Variants in TNIP1 observed in about 807,000 individuals in gnomAD.
The protein encoded by TNIP1 is TNFAIP3-interacting protein 1.
In TNIP1, 22 loss-of-function variants were observed where a neutral mutation model predicts 86.6. The ratio of observed to expected loss-of-function variants is 0.25; its 90% CI spans 0.18 to 0.36. The LOEUF (loss-of-function observed/expected upper bound fraction) is 0.36, where lower values mean the gene tolerates loss of function less well. Ranked by LOEUF, TNIP1 falls within the 10% of genes least tolerant of loss-of-function variation. TNIP1 has a pLI of 1.00. For synonymous variants in TNIP1, 294 were observed against 313.0 expected (o/e 0.94, Z 0.64); for missense variants, 709 against 820.6 (o/e 0.86, Z 1.66).
chr5:151,084,388 T>A (rs527685594), upstream of TNIP1, among the ~76,000 whole-genome samples: 24 of 148,862 alleles, frequency 1.6e-4, no homozygotes, highest in Non-Finnish European at 2.8e-4. Context: ...GAGGTTGCAA[T>A]GAGCCAAGAT....
intron 5 of TNIP1, among the ~76,000 whole-genome samples, chr5:151,057,564 A>C (rs565137121): frequency 2.6e-4 from 40 of 152,226 alleles, no homozygotes; most frequent in South Asian, 2.1e-4. Context: ...TAAAAATACA[A>C]AAATTAGCTG....
intron 9 of TNIP1, among the ~76,000 whole-genome samples, chr5:151,045,518 C>T (rs1759043850): frequency 6.6e-6 from 1 of 152,258 alleles, no homozygotes; most frequent in Non-Finnish European, 1.5e-5. Context: ...TCCCTCCACT[C>T]CTCATCGGTG....
At chr5:151,068,233 G>C (rs575533125) in intron 1 of TNIP1, among the ~76,000 whole-genome samples, 1 of 152,318 alleles carries the variant, frequency 6.6e-6, no homozygotes, top group East Asian at 1.9e-4. Flanking sequence ...GAGGGAAACA[G>C]GGAATTTCCA....
At chr5:151,073,176 C>T (rs1763003608) in intron 1 of TNIP1, among the ~76,000 whole-genome samples, 1 of 147,350 alleles carries the variant, frequency 6.8e-6, no homozygotes, top group African/African-American at 2.5e-5. Flanking sequence ...AAGCCGAGAT[C>T]ACGCCACAGC....
chr5:151,049,842 T>C lies in TNIP1; in HGVS notation c.828A>G (p.Ala276=). 3.7e-6 allele frequency: 6 copies of C among 1,614,208 alleles called. No individual in the cohort carries two copies. The highest frequency in any genetic ancestry group is 5.1e-6 in the Non-Finnish European group (6 of 1,180,030). ...SPKMEGTGKK[A]VAGQQQASVT... The stretch of plus-strand genomic sequence containing the variant: ...CACATACCTGCTGCTGTCCAGCCAC[T>C]GCCTTCTTGCCTGTCCCTTCCATCT... Residue 276 remains alanine (A), a synonymous_variant, in exon 8 of 18, where the codon GCA becomes GCG. Transcript: ENST00000521591.
Position 151,052,240 on chromosome 5 carries a change from C to T in TNIP1, c.647G>A (p.Arg216Gln), listed in dbSNP as rs775834756. The T allele has an allele frequency of 9.9e-6, 16 of 1,613,898 alleles. No individual in the cohort carries two copies. The highest frequency in any genetic ancestry group is 8.9e-5 in the East Asian group (4 of 44,882). The change falls in exon 7 of 18, where the codon CGG (arginine) becomes CAG (glutamine). Residue 216 changes from arginine to glutamine, a missense_variant. By Grantham distance (43) the Arg-to-Gln change is conservative. Transcript: ENST00000521591. ...SILQTLCEQL[R>Q]KENEALKAKL... ...GGCCTTCAGAGCCTCGTTCTCCTTC[C>T]GAAGCTGCTCACACAGGGTCTGTGG...
chr5:151,036,944 C>T (rs1163511543), intron 12 of TNIP1, 23 bp from the exon 13 acceptor site: 1 of 1,573,084 alleles, frequency 6.4e-7, no homozygotes, highest in Non-Finnish European at 8.6e-7. Flanking sequence ...AAAGATGGGA[C>T]CATCAGCAGG....
chr5:151,056,907 C>T lies in TNIP1; in HGVS notation c.486G>A (p.Gln162=), dbSNP rs1184745177. Residue 162 remains glutamine, a synonymous_variant, in exon 6 of 18, where the codon CAG becomes CAA. Coordinates refer to ENST00000521591, the MANE Select transcript of TNIP1 (RefSeq NM_006058.5). The part of the protein sequence containing the change: ...REDGNLMLHL[Q]RLETTLSVCA... The stretch of plus-strand genomic sequence containing the variant: ...ACACACTCAGCGTGGTCTCCAGGCG[C>T]TGCAGGTGCAGCATCAGGTTGCCGT... 9.4e-6 allele frequency: 15 copies of T among 1,593,678 alleles called. No individual in the cohort carries two copies. The highest frequency in any genetic ancestry group is 1.2e-5 in the Non-Finnish European group (14 of 1,170,778).
chr5:151,035,473 G>C, intron 14 of TNIP1, 109 bp downstream of exon 14: 1 of 1,506,714 alleles, frequency 6.6e-7, no homozygotes, highest in Non-Finnish European at 9.1e-7. Context: ...CAGAGCTGGA[G>C]AGAAGCAGTG....
At chr5:151,041,479 T>TC (rs1758409955) in intron 11 of TNIP1, among the ~76,000 whole-genome samples, 1 of 152,186 alleles carries the variant, frequency 6.6e-6, no homozygotes, top group African/African-American at 2.4e-5. Context: ...CAAGCAATCC[T>TC]CCCACATTAG....
At position 151,056,759 on chromosome 5, in the gene TNIP1, G is replaced by A. The variant is rs200991163; in HGVS notation, c.627+7C>T. On this transcript the variant is annotated splice_region_variant and intron_variant, in intron 6 of 17. Transcript: ENST00000521591. Reference sequence around the variant, plus strand: ...CTGTCTCGGGCTGCCCTCCCCACGCGCCTCACCTGCAGAATGGAGGTGCGC... The same window carrying A: ...CTGTCTCGGGCTGCCCTCCCCACGCACCTCACCTGCAGAATGGAGGTGCGC... 1.7e-5 allele frequency: 25 copies of A among 1,487,742 alleles called. No individual in the cohort carries two copies. The highest frequency in any genetic ancestry group is 7.2e-5 in the African/African-American group (5 of 69,912). The allele number at this position is 1,487,742 out of a possible 1,614,324, so 92.2% of individuals were successfully genotyped here.
chr5:151,045,342 A>G (rs1759015041), intron 9 of TNIP1, among the ~76,000 whole-genome samples: 1 of 152,160 alleles, frequency 6.6e-6, no homozygotes, highest in Non-Finnish European at 1.5e-5. Flanking sequence ...CACCCGCCTC[A>G]GCCTCCCAAA....
At chr5:151,065,944 T>G (rs1046090358) in intron 1 of TNIP1, among the ~76,000 whole-genome samples, 1 of 152,138 alleles carries the variant, frequency 6.6e-6, no homozygotes, top group African/African-American at 2.4e-5. Flanking sequence ...CTGAAACCAG[T>G]TGGAAAGGTG....
chr5:151,035,037 T>C lies in TNIP1; in HGVS notation c.1552A>G (p.Arg518Gly). ...CTCTTCTGCTGTCTGAGGGCTTCTC[T>C]TGCCTTCTCCTCATCTTTGAATGCT... ...LKAFKDEEKAREALRQQKRKA... is the reference protein window; with the variant it reads ...LKAFKDEEKAGEALRQQKRKA... The change falls in exon 15 of 18, where the codon AGA becomes GGA. Residue 518 changes from arginine (R) to glycine (G), a missense_variant. Arg to Gly is a moderately radical substitution (Grantham distance 125). Coordinates refer to ENST00000521591, the MANE Select transcript of TNIP1 (RefSeq NM_006058.5). The C allele has an allele frequency of 1.9e-6, 3 of 1,614,108 alleles. No individual in the cohort carries two copies. Among genetic ancestry groups the C allele is most frequent in the East Asian group, 2.2e-5 (1 of 44,876 alleles).
chr5:151,069,563 G>A (rs1762606244), intron 1 of TNIP1, among the ~76,000 whole-genome samples: 1 of 152,140 alleles, frequency 6.6e-6, no homozygotes, highest in South Asian at 2.1e-4. Flanking sequence ...CTGCAACCCT[G>A]GAGCAGGTGA....
chr5:151,073,243 AG>A (rs57615918), intron 1 of TNIP1, among the ~76,000 whole-genome samples: 1 of 149,256 alleles, frequency 6.7e-6, no homozygotes, highest in African/African-American at 2.5e-5. Flanking sequence ...AAAAAAAAAA[AG>A]GGGTGTTTGA....
chr5:151,077,260 C>A (rs1381948989), intron 1 of TNIP1, among the ~76,000 whole-genome samples: 1 of 152,190 alleles, frequency 6.6e-6, no homozygotes, highest in Non-Finnish European at 1.5e-5. Flanking sequence ...TTTATGAGGG[C>A]AGAGCTGACA....
rs558046566 is a variant in TNIP1, at chr5:151,030,120, T to C, written c.*593A>G. The C allele has an allele frequency of 1.0e-4, 47 of 456,872 alleles. No individual in the cohort carries two copies. The highest frequency in any genetic ancestry group is 8.6e-4 in the African/African-American group (43 of 50,208). The allele number at this position is 456,872 out of a possible 1,614,324, so 28.3% of individuals were successfully genotyped here. ...CGCCCCTCGGCGGACGTGGCTGGCA[T>C]GGCCTTCTCCCATCTGTGATGGCTT... On this transcript the variant is annotated 3_prime_UTR_variant, in exon 18 of 18. Coordinates refer to ENST00000521591, the MANE Select transcript of TNIP1 (RefSeq NM_006058.5).
intron 9 of TNIP1, among the ~76,000 whole-genome samples, chr5:151,045,121 T>C (rs1401795301): frequency 6.6e-6 from 1 of 152,168 alleles, no homozygotes; most frequent in Non-Finnish European, 1.5e-5. Flanking sequence ...AGATGGGGTC[T>C]TGCTCTGTTG....
Sources: gnomAD v4.1 joint callset for allele counts (sites outside exome capture counted in the v4.1 genomes callset) on GRCh38, gnomAD v4.1.1 for gene constraint, MANE v1.5 for transcripts, NCBI Gene and HGNC (gene_info 2026-07-23, HGNC 2026-07-21) for gene names.